SYNPO: variants seen among roughly 807,000 people sequenced by gnomAD.
SYNPO encodes synaptopodin.
A neutral mutation model predicts 49.5 loss-of-function variants in SYNPO; 19 were observed. That is an observed-to-expected ratio of 0.38 (90% CI 0.27 to 0.56). The LOEUF (loss-of-function observed/expected upper bound fraction) is 0.56. Among genes scored for constraint, SYNPO ranks in the 20% least tolerant of loss-of-function variants. The pLI is 0.68. For synonymous variants in SYNPO, 536 were observed against 548.0 expected (o/e 0.98, Z 0.31); for missense variants, 1,131 against 1,248.3 (o/e 0.91, Z 1.42).
chr5:150,603,620 C>T (rs989370860), intron 1 of SYNPO, among the ~76,000 whole-genome samples: 2 of 152,256 alleles, frequency 1.3e-5, no homozygotes, highest in African/African-American at 2.4e-5. Context: ...TCTTTCTTGT[C>T]TTGTCCTGCA....
intron 2 of SYNPO, chr5:150,651,867 C>T (rs1421850701): frequency 1.0e-6 from 1 of 1,000,294 alleles, no homozygotes; most frequent in African/African-American, 1.7e-5. Context: ...TGATACAGCC[C>T]CCGACCAAAC....
At chr5:150,608,966 C>G (rs533544156) in intron 1 of SYNPO, among the ~76,000 whole-genome samples, 1 of 152,170 alleles carries the variant, frequency 6.6e-6, no homozygotes, top group Non-Finnish European at 1.5e-5. Flanking sequence ...GTAAAGTAAC[C>G]GGGGCAAGTT....
At chr5:150,606,033 G>T (rs1043148032) in intron 1 of SYNPO, among the ~76,000 whole-genome samples, 3 of 151,938 alleles carry the variant, frequency 2.0e-5, no homozygotes, top group Admixed American at 1.3e-4. Flanking sequence ...ATAGAAACAC[G>T]TACAGACACA....
intron 2 of SYNPO, among the ~76,000 whole-genome samples, chr5:150,622,916 A>C (rs903499620): frequency 6.6e-6 from 1 of 152,228 alleles, no homozygotes; most frequent in African/African-American, 2.4e-5. Context: ...ATGTATCTAC[A>C]CATGATGTAT....
At chr5:150,630,134 G>C (rs942931923) in intron 2 of SYNPO, among the ~76,000 whole-genome samples, 1 of 152,226 alleles carries the variant, frequency 6.6e-6, no homozygotes. Context: ...CAGTAGGTCA[G>C]AGAGGATCAA....
chr5:150,654,510 G>T (rs1758493530), intron 2 of SYNPO, among the ~76,000 whole-genome samples: 1 of 152,154 alleles, frequency 6.6e-6, no homozygotes, highest in African/African-American at 2.4e-5. Flanking sequence ...ATGAGATAAA[G>T]GATGAGAATG....
At chr5:150,650,779 C>G (rs1219977817) in intron 2 of SYNPO, 1 of 1,293,240 alleles carries the variant, frequency 7.7e-7, no homozygotes, top group Middle Eastern at 3.0e-4. Flanking sequence ...CTCAGCTGCC[C>G]CAGGGGGGCC....
chr5:150,593,174 GC>G, the SYNPO span, among the ~76,000 whole-genome samples: 6 of 152,198 alleles, frequency 3.9e-5, no homozygotes, highest in Admixed American at 1.3e-4. Context: ...ATGGCCTTAG[GC>G]CCCCAGACCA....
chr5:150,588,817 TTTGTA>T, the SYNPO span, among the ~76,000 whole-genome samples: 3 of 152,092 alleles, frequency 2.0e-5, no homozygotes, highest in Non-Finnish European at 2.9e-5. Context: ...CATAAAAAAA[TTTGTA>T]TTGCACAGTC....
the SYNPO span, among the ~76,000 whole-genome samples, chr5:150,589,205 G>A: frequency 1.3e-5 from 2 of 152,024 alleles, no homozygotes; most frequent in African/African-American, 2.4e-5. Flanking sequence ...GGGACTACAG[G>A]TGTGCGCCAC....
chr5:150,634,859 CA>C (rs35035004), intron 2 of SYNPO, among the ~76,000 whole-genome samples: 338 of 62,580 alleles, frequency 5.4e-3, no homozygotes, highest in Middle Eastern at 0.011. Flanking sequence ...CACACACACA[CA>C]CACCACACAC....
At chr5:150,615,867 T>A (rs1476277201) in intron 1 of SYNPO, among the ~76,000 whole-genome samples, 1 of 152,222 alleles carries the variant, frequency 6.6e-6, no homozygotes, top group Non-Finnish European at 1.5e-5. Flanking sequence ...TCACTTCACC[T>A]ATCTGAGCCT....
At chr5:150,634,863 CCACA>C (rs767392043) in intron 2 of SYNPO, among the ~76,000 whole-genome samples, 112 of 45,838 alleles carry the variant, frequency 2.4e-3, no homozygotes, top group Middle Eastern at 0.024. Context: ...CACACACACA[CCACA>C]CACACACACA....
chr5:150,596,834 G>A (rs1756433525), upstream of SYNPO, among the ~76,000 whole-genome samples: 1 of 152,196 alleles, frequency 6.6e-6, no homozygotes, highest in African/African-American at 2.4e-5. Flanking sequence ...TCAGGGCAAG[G>A]AGGCTAGAAG....
chr5:150,604,612 G>A (rs577640514), intron 1 of SYNPO, among the ~76,000 whole-genome samples: 2 of 152,346 alleles, frequency 1.3e-5, no homozygotes, highest in Admixed American at 6.5e-5. Context: ...AAAAGAAAAA[G>A]AAGAGAAACT....
chr5:150,613,793 T>A (rs1356545965), intron 1 of SYNPO, among the ~76,000 whole-genome samples: 1 of 152,202 alleles, frequency 6.6e-6, no homozygotes, highest in Non-Finnish European at 1.5e-5. Context: ...TTCCCCAGCC[T>A]GACTCAGTGA....
Position 150,649,118 on chromosome 5 carries a change from C to T in SYNPO, c.843C>T (p.Ser281=), listed in dbSNP as rs938649772. ...APQPPSLPDR[S]PRPQRHIMSR... is the part of the protein sequence containing the mutation. The stretch of plus-strand genomic sequence containing the variant: ...AGCCCCCCAGTTTGCCAGACAGGAG[C>T]CCCCGGCCACAGAGACACATAATGT... Residue 281 remains serine, a synonymous_variant, in exon 2 of 3, where the codon AGC becomes AGT. Coordinates refer to ENST00000307662, the MANE Select transcript of SYNPO (RefSeq NM_007286.6). The T allele has an allele frequency of 2.9e-5, 46 of 1,613,752 alleles. No individual in the cohort carries two copies. Among genetic ancestry groups the T allele is most frequent in the Non-Finnish European group, 3.4e-5 (40 of 1,179,838 alleles).
intron 1 of SYNPO, among the ~76,000 whole-genome samples, chr5:150,617,027 T>C (rs9324647): frequency 0.087 from 13,217 of 152,162 alleles, 1,351 homozygotes; most frequent in East Asian, 0.27. Context: ...TGAAAAATAA[T>C]AGGATCCTAA....
chr5:150,648,929 C>T lies in SYNPO; in HGVS notation c.654C>T (p.Pro218=), dbSNP rs1364133292. The T allele has an allele frequency of 3.7e-6, 6 of 1,614,258 alleles. No individual in the cohort carries two copies. Among genetic ancestry groups the T allele is most frequent in the Non-Finnish European group, 5.1e-6 (6 of 1,180,046 alleles). The change falls in exon 2 of 3, where the codon CCC becomes CCT. Residue 218 remains proline (P), a synonymous_variant. Transcript: ENST00000307662. The surrounding 1 kb of genome is among the most constrained non-coding windows in gnomAD (Gnocchi z 5.0). ...EMSGRAAATT[P]TKVYSEVHFT... ...CTGGGCGAGCAGCTGCCACCACGCCCACCAAGGTCTACAGTGAGGTCCACT... is the reference window on the plus strand; with the variant it reads ...CTGGGCGAGCAGCTGCCACCACGCCTACCAAGGTCTACAGTGAGGTCCACT...
Sources: allele counts gnomAD v4.1 joint callset (sites outside exome capture counted in the v4.1 genomes callset), GRCh38; gene constraint gnomAD v4.1.1; non-coding constraint Gnocchi (gnomAD v3.1); transcripts MANE v1.5; gene names NCBI Gene and HGNC (gene_info 2026-07-23, HGNC 2026-07-21).